UCHL5: variants seen among roughly 807,000 people sequenced by gnomAD.
The protein encoded by UCHL5 is ubiquitin C-terminal hydrolase L5.
Under a neutral mutation model 53.8 loss-of-function variants are expected in UCHL5, and 34 were observed. That is an observed-to-expected ratio of 0.63 (90% confidence interval 0.48 to 0.84). UCHL5 has a LOEUF of 0.84. UCHL5 is among the 40% of genes least tolerant of loss of function. UCHL5 has a pLI of 0.00. For missense variants in UCHL5, 290 were observed against 385.6 expected, an observed-to-expected ratio of 0.75 and a Z score of 2.08; for synonymous variants, 111 against 126.3, an observed-to-expected ratio of 0.88 and a Z score of 0.81.
intron 3 of UCHL5, among the ~76,000 whole-genome samples, chr1:193,043,151 T>TTAAAAAAAAAAAAC (rs1553255148): frequency 2.7e-5 from 1 of 36,376 alleles, no homozygotes. Flanking sequence ...TCTTGAATAT[T>TTAAAAAAAAAAAAC]AAAAAAAAAA....
chr1:193,031,321 T>A (rs1661285748), intron 3 of UCHL5, among the ~76,000 whole-genome samples: 1 of 152,126 alleles, frequency 6.6e-6, no homozygotes, highest in Non-Finnish European at 1.5e-5. Context: ...AGATTTAATA[T>A]ATACCCAATG....
intron 7 of UCHL5, among the ~76,000 whole-genome samples, chr1:193,025,800 T>C (rs1658978154): frequency 6.6e-6 from 1 of 152,148 alleles, no homozygotes; most frequent in Non-Finnish European, 1.5e-5. Flanking sequence ...GAGAAGATTA[T>C]ACTAAAATTT....
intron 7 of UCHL5, among the ~76,000 whole-genome samples, chr1:193,024,433 C>T (rs941492827): frequency 6.6e-6 from 1 of 151,166 alleles, no homozygotes; most frequent in African/African-American, 2.4e-5. Flanking sequence ...AACTTAAGAG[C>T]TCAGAAAAAA....
At chr1:193,058,640 C>T (rs999654470) in intron 1 of UCHL5, among the ~76,000 whole-genome samples, 3 of 152,266 alleles carry the variant, frequency 2.0e-5, no homozygotes, top group African/African-American at 7.2e-5. Flanking sequence ...CTTTCAGGCC[C>T]ACGCAGTCAG....
intron 3 of UCHL5, among the ~76,000 whole-genome samples, chr1:193,045,190 C>T (rs1015651253): frequency 6.6e-6 from 1 of 152,100 alleles, no homozygotes; most frequent in Non-Finnish European, 1.5e-5. Context: ...TTATTGGATA[C>T]CTACCACGTA....
intron 3 of UCHL5, among the ~76,000 whole-genome samples, chr1:193,048,836 G>A (rs564985394): frequency 1.3e-5 from 2 of 152,044 alleles, no homozygotes; most frequent in East Asian, 1.9e-4. Flanking sequence ...AAATGTTATC[G>A]ATGTTAACAT....
At chr1:193,059,563 G>A (rs760131149), upstream of UCHL5, 12 of 1,517,400 alleles carry the variant, frequency 7.9e-6, no homozygotes, top group South Asian at 1.1e-5. The surrounding 1 kb of genome is among the most constrained non-coding windows in gnomAD (Gnocchi z 4.9). Flanking sequence ...GCAACATCCG[G>A]GATCCTCGCC....
intron 10 of UCHL5, among the ~76,000 whole-genome samples, chr1:193,019,380 G>A (rs1656056093): frequency 6.6e-6 from 1 of 151,634 alleles, no homozygotes; most frequent in Non-Finnish European, 1.5e-5. Flanking sequence ...CTCGCAGCTA[G>A]ATAAATGTTT....
chr1:193,029,746 G>A, intron 3 of UCHL5, 89 bp from the exon 4 acceptor site: 1 of 1,004,916 alleles, frequency 1.0e-6, no homozygotes, highest in Non-Finnish European at 1.4e-6. Flanking sequence ...AACATGAACA[G>A]TTTTCAAATT....
At chr1:193,016,746 C>T (rs562126876) in intron 10 of UCHL5, among the ~76,000 whole-genome samples, 1 of 151,890 alleles carries the variant, frequency 6.6e-6, no homozygotes, top group South Asian at 2.1e-4. Context: ...TTCCTATTCA[C>T]ATGAGCATAA....
chr1:193,058,702 G>A (rs987643423), intron 1 of UCHL5, among the ~76,000 whole-genome samples: 1 of 152,230 alleles, frequency 6.6e-6, no homozygotes, highest in Admixed American at 6.5e-5. Context: ...GTTCTGCTTT[G>A]AATAACCAGA....
intron 3 of UCHL5, among the ~76,000 whole-genome samples, chr1:193,036,980 A>G (rs1183017379): frequency 6.6e-6 from 1 of 152,072 alleles, no homozygotes; most frequent in African/African-American, 2.4e-5. Context: ...CAGCATACCA[A>G]AATCTATGAG....
chr1:193,042,461 C>T (rs909274643), intron 3 of UCHL5, among the ~76,000 whole-genome samples: 1 of 152,078 alleles, frequency 6.6e-6, no homozygotes, highest in Non-Finnish European at 1.5e-5. Flanking sequence ...TTCTGGGTAC[C>T]TTAAGAGCAA....
chr1:193,016,370 T>C lies in UCHL5; in HGVS notation c.968A>G (p.Lys323Arg). 6.2e-7 allele frequency: 1 copy of C among 1,605,322 alleles called. No homozygotes were observed. Among genetic ancestry groups the C allele is most frequent in the Non-Finnish European group, 8.5e-7 (1 of 1,177,258 alleles). ...ACATCTTCATTTGGTTTCCTGAGCT[T>C]TCTTTGCGTTCTGTTTTTCTTTTGC... ...EKAKEKQNAKKAQETK is the reference protein window; with the variant it reads ...EKAKEKQNAKRAQETK The change falls in exon 11 of 11, where the codon AAA becomes AGA. Residue 323 changes from lysine (K) to arginine (R), a missense_variant. Lys to Arg is a conservative substitution (Grantham distance 26). Coordinates refer to ENST00000367454, the MANE Select transcript of UCHL5 (RefSeq NM_001199261.3).
intron 6 of UCHL5, 81 bp downstream of exon 6, chr1:193,029,098 T>C: frequency 6.6e-7 from 1 of 1,514,938 alleles, no homozygotes; most frequent in Non-Finnish European, 8.9e-7. Flanking sequence ...CTTGAAAATT[T>C]AAGCAGCACT....
intron 3 of UCHL5, among the ~76,000 whole-genome samples, chr1:193,040,581 T>G (rs1318506586): frequency 6.6e-6 from 1 of 152,180 alleles, no homozygotes; most frequent in Non-Finnish European, 1.5e-5. Context: ...GAAAACTGTA[T>G]GGAGGTTATG....
upstream of UCHL5, chr1:193,060,012 C>A: frequency 7.4e-7 from 1 of 1,359,720 alleles, no homozygotes; most frequent in Non-Finnish European, 9.8e-7. Context: ...TCAGGGTGGG[C>A]CCTTTCCGAA....
intron 10 of UCHL5, among the ~76,000 whole-genome samples, chr1:193,019,504 T>C (rs561911276): frequency 6.6e-6 from 1 of 151,818 alleles, no homozygotes; most frequent in African/African-American, 2.4e-5. Context: ...ATCTCAATAT[T>C]GCTTCTGGAA....
chr1:193,047,125 CAA>C (rs1440513900), intron 3 of UCHL5, among the ~76,000 whole-genome samples: 7 of 152,032 alleles, frequency 4.6e-5, no homozygotes, highest in Admixed American at 2.0e-4. Context: ...TGGCACACAA[CAA>C]GAGAGGTAAA....
Sources: allele counts gnomAD v4.1 joint callset (sites outside exome capture counted in the v4.1 genomes callset), GRCh38; gene constraint gnomAD v4.1.1; non-coding constraint Gnocchi (gnomAD v3.1); transcripts MANE v1.5; gene names NCBI Gene and HGNC (gene_info 2026-07-23, HGNC 2026-07-21).